The following RAP1A variants were observed in gnomAD, a reference collection of about 807,000 sequenced individuals.
RAP1A encodes RAP1A, member of RAS oncogene family.
In RAP1A, 6 loss-of-function variants were observed where a neutral mutation model predicts 26.4. The ratio of observed to expected loss-of-function variants is 0.23; its 90% CI spans 0.12 to 0.45. The LOEUF is 0.45. Among genes scored for constraint, RAP1A ranks in the 20% least tolerant of loss-of-function variants. RAP1A has a pLI of 0.99. For missense variants in RAP1A, 121 were observed against 217.2 expected, an observed-to-expected ratio of 0.56 and a Z score of 2.78; for synonymous variants, 73 against 79.4, an observed-to-expected ratio of 0.92 and a Z score of 0.43.
At chr1:111,655,490 C>T (rs545662530) in intron 1 of RAP1A, among the ~76,000 whole-genome samples, 159 of 151,878 alleles carry the variant, frequency 1.0e-3, no homozygotes, top group African/African-American at 3.7e-3. Flanking sequence ...CCTCACTAAT[C>T]GGAGAAACTT....
chr1:111,674,317 T>C (rs1661061290), intron 1 of RAP1A, among the ~76,000 whole-genome samples: 1 of 151,416 alleles, frequency 6.6e-6, no homozygotes, highest in Non-Finnish European at 1.5e-5. Flanking sequence ...AATCACCTAA[T>C]ACAGATAGAG....
chr1:111,575,695 A>C (rs1658134298), intron 1 of RAP1A, among the ~76,000 whole-genome samples: 2 of 152,304 alleles, frequency 1.3e-5, no homozygotes, highest in Non-Finnish European at 2.9e-5. Context: ...GAAAGTGGCC[A>C]TCTGCAAGCC....
intron 1 of RAP1A, among the ~76,000 whole-genome samples, chr1:111,544,505 G>T (rs2101028063): frequency 6.6e-6 from 1 of 152,172 alleles, no homozygotes; most frequent in Non-Finnish European, 1.5e-5. Flanking sequence ...TGTTTTGAAG[G>T]TTCATCCATG....
chr1:111,692,696 A>T lies in RAP1A; in HGVS notation c.57+1279A>T, dbSNP rs146425901. Among the ~76,000 whole-genome samples the T allele has an allele frequency of 2.9e-3, 444 of 152,266 alleles. 3 individuals carry two copies. Among genetic ancestry groups the T allele is most frequent in the African/African-American group, 0.01 (431 of 41,546 alleles). Reference sequence around the variant, plus strand: ...GAATGCAATAGCTCTATATATACCGATATGTAATGATATCCAAGATACATT... The same window carrying T: ...GAATGCAATAGCTCTATATATACCGTTATGTAATGATATCCAAGATACATT... On this transcript the variant is annotated intron_variant, in intron 2 of 7. Coordinates refer to ENST00000369709, the MANE Select transcript of RAP1A (RefSeq NM_002884.4).
chr1:111,646,420 T>TAAA lies in RAP1A; in HGVS notation c.-28+26498_-28+26500dup, dbSNP rs34766711. ...AATTCTCTGTCAGTTTTCCTTTTTG[T>TAAA]AAAAAAAAAAAAAACAAAACAAAAC... On this transcript the variant is annotated intron_variant, in intron 1 of 7. Transcript: ENST00000369709. Among the ~76,000 whole-genome samples the TAAA allele has an allele frequency of 5.4e-3, 576 of 106,988 alleles. 4 individuals are homozygous for TAAA. Among genetic ancestry groups the TAAA allele is most frequent in the Non-Finnish European group, 7.1e-3 (369 of 52,292 alleles). 70.2% of individuals were successfully genotyped at this position (106,988 alleles called of 152,430 possible). A position where few individuals can be genotyped will look rare whatever the true frequency, so the allele number is the denominator to read the frequency against.
intron 1 of RAP1A, among the ~76,000 whole-genome samples, chr1:111,677,622 G>A (rs1354016573): frequency 6.6e-6 from 1 of 152,198 alleles, no homozygotes; most frequent in Admixed American, 6.5e-5. Flanking sequence ...GTTCTTGGTA[G>A]GAGTCCTCAG....
chr1:111,610,355 C>T (rs1337976017), intron 1 of RAP1A, among the ~76,000 whole-genome samples: 1 of 151,436 alleles, frequency 6.6e-6, no homozygotes, highest in African/African-American at 2.4e-5. Flanking sequence ...TTGGAATTTG[C>T]TCCCTCAGCT....
chr1:111,578,102 A>T (rs1157919513), intron 1 of RAP1A, among the ~76,000 whole-genome samples: 1 of 152,216 alleles, frequency 6.6e-6, no homozygotes, highest in Non-Finnish European at 1.5e-5. Flanking sequence ...TGGAGACTTA[A>T]ATAAGAAAAG....
intron 1 of RAP1A, among the ~76,000 whole-genome samples, chr1:111,660,468 C>CT (rs1448201181): frequency 2.0e-5 from 3 of 151,884 alleles, no homozygotes; most frequent in Non-Finnish European, 2.9e-5. Flanking sequence ...TTTTAGCAGT[C>CT]TTTTTTTTCT....
chr1:111,610,722 T>C (rs1658912685), intron 1 of RAP1A, among the ~76,000 whole-genome samples: 1 of 152,258 alleles, frequency 6.6e-6, no homozygotes, highest in Non-Finnish European at 1.5e-5. Context: ...CCATATAAAG[T>C]AGCATAAGCC....
intron 1 of RAP1A, among the ~76,000 whole-genome samples, chr1:111,635,643 G>A (rs1229017145): frequency 6.6e-6 from 1 of 152,142 alleles, no homozygotes; most frequent in Admixed American, 6.5e-5. Flanking sequence ...TCTGCTCACT[G>A]CAACCTCTGC....
rs1658086114 is a variant in RAP1A, at chr1:111,573,395, ATC to A, written c.-28+30888_-28+30889del. On this transcript the variant is annotated intron_variant, in intron 1 of 7. Transcript: ENST00000356415. ...CCCTTTTCTGTGTAACCTCACCAGC[ATC>A]TGTTATTTTTTAACTTTTTTTTTGC... 2.0e-5 allele frequency among the ~76,000 whole-genome samples: 3 copies of A among 152,124 alleles called. No individual in the cohort carries two copies. In the South Asian group the frequency reaches 6.2e-4, roughly 32 times the overall value.
intron 4 of RAP1A, among the ~76,000 whole-genome samples, chr1:111,702,154 G>C (rs1662040109): frequency 6.6e-6 from 1 of 152,160 alleles, no homozygotes; most frequent in African/African-American, 2.4e-5. Context: ...GAACAAGGAA[G>C]CCAAGGCACA....
chr1:111,710,169 A>G (rs1274142310), intron 7 of RAP1A, among the ~76,000 whole-genome samples: 2 of 152,180 alleles, frequency 1.3e-5, no homozygotes, highest in African/African-American at 4.8e-5. Flanking sequence ...GACCCATTCC[A>G]GGAGATGTGT....
intron 1 of RAP1A, among the ~76,000 whole-genome samples, chr1:111,630,459 C>T (rs1224387302): frequency 1.3e-5 from 2 of 152,058 alleles, no homozygotes; most frequent in East Asian, 3.8e-4. Flanking sequence ...GCTTTCATGG[C>T]AATTTTTATA....
chr1:111,596,288 A>G (rs1658562571), intron 1 of RAP1A, among the ~76,000 whole-genome samples: 1 of 152,160 alleles, frequency 6.6e-6, no homozygotes, highest in African/African-American at 2.4e-5. Flanking sequence ...GAACTCTTCC[A>G]TGGAGTTCTG....
At chr1:111,682,352 AAATG>A (rs1661325197) in intron 1 of RAP1A, among the ~76,000 whole-genome samples, 1 of 152,206 alleles carries the variant, frequency 6.6e-6, no homozygotes, top group African/African-American at 2.4e-5. Context: ...TAAATTGGCT[AAATG>A]CCCCAATTAA....
intron 1 of RAP1A, among the ~76,000 whole-genome samples, chr1:111,586,198 T>G (rs1658361835): frequency 6.6e-6 from 1 of 152,246 alleles, no homozygotes; most frequent in African/African-American, 2.4e-5. Flanking sequence ...CATAGTGTAA[T>G]TTTTTTAAAA....
chr1:111,609,503 A>C (rs1302398587), intron 1 of RAP1A, among the ~76,000 whole-genome samples: 1 of 152,092 alleles, frequency 6.6e-6, no homozygotes, highest in Admixed American at 6.5e-5. Context: ...TTCTGTCTTC[A>C]TCTAGGCTCA....
Sources: gnomAD v4.1 joint callset for allele counts (sites outside exome capture counted in the v4.1 genomes callset) on GRCh38, gnomAD v4.1.1 for gene constraint, MANE v1.5 for transcripts, NCBI Gene and HGNC (gene_info 2026-07-23, HGNC 2026-07-21) for gene names.